Variants in LRP1B observed in about 807,000 individuals in gnomAD.
LRP1B encodes low-density lipoprotein receptor-related protein 1B.
A neutral mutation model predicts 556.6 loss-of-function variants in LRP1B; 217 were observed. The observed-to-expected ratio is 0.39, with a 90% CI of 0.35 to 0.44. The LOEUF is 0.44. Ranked by LOEUF, LRP1B falls within the 20% of genes least tolerant of loss-of-function variation. The pLI, the probability that LRP1B is intolerant of heterozygous loss-of-function variation, is 1.00. For synonymous variants in LRP1B, 2,047 were observed against 1,865.8 expected (o/e 1.10, Z -2.50); for missense variants, 5,053 against 5,620.8 (o/e 0.90, Z 3.23).
intron 12 of LRP1B, among the ~76,000 whole-genome samples, chr2:141,016,303 A>G (rs1469564282): frequency 6.6e-6 from 1 of 152,132 alleles, no homozygotes; most frequent in African/African-American, 2.4e-5. Context: ...CAATTATGTG[A>G]TTAAAAAGCA....
At chr2:141,056,854 TG>T (rs1026861189) in intron 9 of LRP1B, among the ~76,000 whole-genome samples, 1 of 151,900 alleles carries the variant, frequency 6.6e-6, no homozygotes, top group Admixed American at 6.6e-5. Context: ...CACTTTAATT[TG>T]TAATAAACAT....
intron 25 of LRP1B, among the ~76,000 whole-genome samples, chr2:140,869,273 T>G (rs1261777790): frequency 6.6e-6 from 1 of 152,148 alleles, no homozygotes; most frequent in African/African-American, 2.4e-5. Flanking sequence ...GCATGTACTT[T>G]ATTCCTTTTG....
intron 2 of LRP1B, among the ~76,000 whole-genome samples, chr2:141,608,580 G>T (rs1369549836): frequency 6.6e-6 from 1 of 152,090 alleles, no homozygotes; most frequent in East Asian, 1.9e-4. Flanking sequence ...AAGGCCAAAT[G>T]TGGGCAAAAT....
At chr2:140,814,333 G>T (rs2105038588) in intron 31 of LRP1B, among the ~76,000 whole-genome samples, 1 of 152,088 alleles carries the variant, frequency 6.6e-6, no homozygotes, top group East Asian at 1.9e-4. Flanking sequence ...GCACTTAACA[G>T]GTATCTCTAT....
In LRP1B at chr2:140,492,652, T is replaced by G. The variant is rs1203408710; in HGVS notation, c.9076A>C (p.Arg3026=). ...TTGGAGCCATCAGTGCTAATTTTCCTTATCTCATGATGATCAGCAAGAATT... is the reference window on the plus strand; with the variant it reads ...TTGGAGCCATCAGTGCTAATTTTCCGTATCTCATGATGATCAGCAAGAATT... ...FLILADHHEI[R]KISTDGSNYT... Residue 3026 remains arginine (R), a synonymous_variant, in exon 57 of 91, where the codon AGG becomes CGG. Transcript: ENST00000389484. 1 of 1,613,646 alleles carries G rather than the reference T, an allele frequency of 6.2e-7. No homozygotes were observed. The highest frequency in any genetic ancestry group is 1.3e-5 in the African/African-American group (1 of 74,918).
rs3039268 is a variant in LRP1B, at chr2:141,644,729, T to TCACACACACACACA, written c.206-164210_206-164197dup. On this transcript the variant is annotated intron_variant, in intron 2 of 90. Coordinates refer to ENST00000389484, the MANE Select transcript of LRP1B (RefSeq NM_018557.3). ...CAGTTGTCTGATAAGCAGTCATTGA[T>TCACACACACACACA]CACACACACACACACACACACACAC... Among the ~76,000 whole-genome samples the TCACACACACACACA allele has an allele frequency of 4.0e-3, 570 of 141,592 alleles. 4 individuals carry two copies. Among genetic ancestry groups the TCACACACACACACA allele is most frequent in the African/African-American group, 0.014 (534 of 37,550 alleles). The allele number at this position is 141,592 out of a possible 152,430, so 92.9% of individuals were successfully genotyped here.
At chr2:140,524,714 A>G (rs536831328) in intron 49 of LRP1B, among the ~76,000 whole-genome samples, 1 of 152,000 alleles carries the variant, frequency 6.6e-6, no homozygotes, top group Non-Finnish European at 1.5e-5. Context: ...CATATATCAC[A>G]TGTTCCCAGT....
intron 47 of LRP1B, 66 bp from the exon 48 acceptor site, chr2:140,526,416 G>T: frequency 2.0e-6 from 2 of 1,001,314 alleles, no homozygotes; most frequent in South Asian, 1.4e-5. Context: ...TTTACATTTT[G>T]AATATTTCAA....
At chr2:142,103,382 G>C (rs1269729369) in intron 1 of LRP1B, among the ~76,000 whole-genome samples, 1 of 151,744 alleles carries the variant, frequency 6.6e-6, no homozygotes, top group East Asian at 1.9e-4. Flanking sequence ...ATTGTCCTTT[G>C]AATATAAAAG....
intron 41 of LRP1B, among the ~76,000 whole-genome samples, chr2:140,608,878 G>A (rs1001391225): frequency 1.7e-4 from 26 of 151,992 alleles, no homozygotes; most frequent in African/African-American, 5.8e-4. Context: ...TTCTTTTGCC[G>A]GCTTTAAAAA....
chr2:141,565,922 G>A (rs1334017819), intron 2 of LRP1B, among the ~76,000 whole-genome samples: 3 of 151,038 alleles, frequency 2.0e-5, no homozygotes, highest in African/African-American at 7.3e-5. Context: ...TTTTTGCCAG[G>A]CACTCTGCCT....
At chr2:141,738,230 A>G (rs949676021) in intron 2 of LRP1B, among the ~76,000 whole-genome samples, 1 of 152,162 alleles carries the variant, frequency 6.6e-6, no homozygotes, top group African/African-American at 2.4e-5. Flanking sequence ...CATCATGCCT[A>G]AGCCCGACTC....
At chr2:140,858,497 A>T (rs1314964318) in intron 27 of LRP1B, among the ~76,000 whole-genome samples, 3 of 106,054 alleles carry the variant, frequency 2.8e-5, no homozygotes, top group Non-Finnish European at 1.9e-5. Context: ...TATTTTATAT[A>T]TATGGAGAGA....
intron 2 of LRP1B, among the ~76,000 whole-genome samples, chr2:141,592,746 T>C (rs1327889909): frequency 2.0e-5 from 3 of 152,174 alleles, no homozygotes; most frequent in Non-Finnish European, 4.4e-5. Context: ...ATTCCTCCCA[T>C]GGAGGCCCAC....
intron 1 of LRP1B, among the ~76,000 whole-genome samples, chr2:142,067,178 A>C (rs985636572): frequency 6.6e-6 from 1 of 151,432 alleles, no homozygotes; most frequent in Non-Finnish European, 1.5e-5. Flanking sequence ...TATATTGAAC[A>C]CACCCAGATA....
intron 2 of LRP1B, 106 bp downstream of exon 2, chr2:141,810,173 G>T (rs986539135): frequency 3.9e-5 from 28 of 725,724 alleles, no homozygotes; most frequent in South Asian, 3.5e-4. Context: ...AAGAAGGAAA[G>T]AAAGAAAGAA....
At chr2:140,439,831 A>G (rs1204444747) in intron 66 of LRP1B, among the ~76,000 whole-genome samples, 1 of 152,082 alleles carries the variant, frequency 6.6e-6, no homozygotes, top group Non-Finnish European at 1.5e-5. Context: ...AAAAAATTAT[A>G]CCAGGCTAAA....
intron 41 of LRP1B, among the ~76,000 whole-genome samples, chr2:140,627,996 AGTT>A (rs1683730000): frequency 1.3e-5 from 2 of 152,332 alleles, no homozygotes; most frequent in South Asian, 4.1e-4. Context: ...TAATCTGAAC[AGTT>A]GTTAAGCAAC....
intron 86 of LRP1B, among the ~76,000 whole-genome samples, chr2:140,252,022 T>G (rs1255702209): frequency 8.6e-6 from 1 of 116,850 alleles, no homozygotes; most frequent in Non-Finnish European, 1.7e-5. Context: ...CCTGAGTCTT[T>G]TATACTCACT....
Sources: allele counts gnomAD v4.1 joint callset (sites outside exome capture counted in the v4.1 genomes callset), GRCh38; gene constraint gnomAD v4.1.1; transcripts MANE v1.5; gene names NCBI Gene and HGNC (gene_info 2026-07-23, HGNC 2026-07-21).